Variants in CDH1 observed in about 807,000 individuals in gnomAD.
CDH1 encodes cadherin-1.
Under a neutral mutation model 84.5 loss-of-function variants are expected in CDH1, and 35 were observed. The observed-to-expected ratio is 0.41, with a 90% confidence interval of 0.32 to 0.55. The LOEUF (loss-of-function observed/expected upper bound fraction) is 0.55, where lower values mean the gene tolerates loss of function less well. Ranked by LOEUF, CDH1 falls within the 20% of genes least tolerant of loss-of-function variation. The probability of loss-of-function intolerance (pLI) is 0.19; values close to 1 mark genes in which losing one functional copy is unlikely to be tolerated. For missense variants in CDH1, 994 were observed against 1,126.6 expected, an observed-to-expected ratio of 0.88 and a Z score of 1.68; for synonymous variants, 417 against 439.0, an observed-to-expected ratio of 0.95 and a Z score of 0.63.
rs180733763 is a variant in CDH1, at chr16:68,823,695, G to A, written c.2164+69G>A. On this transcript the variant is annotated intron_variant, in intron 13 of 15. Transcript: ENST00000261769. ...TGGAGGAGGTTTATTTCCTGGAAAT[G>A]ATTTTTGTTCTTATATTAATAAGGA... 25 of 1,066,954 alleles carry A rather than the reference G, an allele frequency of 2.3e-5. No individual in the cohort carries two copies. The African/African-American group carries it at 3.8e-4, about 16-fold the overall frequency. The allele number at this position is 1,066,954 out of a possible 1,614,324, so 66.1% of individuals were successfully genotyped here. A position where few individuals can be genotyped will look rare whatever the true frequency, so the allele number is the denominator to read the frequency against.
intron 2 of CDH1, among the ~76,000 whole-genome samples, chr16:68,763,748 T>C (rs1597858662): frequency 1.3e-5 from 2 of 152,364 alleles, no homozygotes; most frequent in East Asian, 3.9e-4. Context: ...ATTTTAACCC[T>C]GTGAAGTCCA....
At chr16:68,740,619 T>C (rs1962539833) in intron 2 of CDH1, among the ~76,000 whole-genome samples, 1 of 152,150 alleles carries the variant, frequency 6.6e-6, no homozygotes, top group Non-Finnish European at 1.5e-5. Context: ...CACCAAGATA[T>C]TTGGTAGCAC....
chr16:68,831,652 G>A lies in CDH1; in HGVS notation c.2440-1638G>A, dbSNP rs572519757. Among the ~76,000 whole-genome samples the A allele has an allele frequency of 6.6e-5, 10 of 151,942 alleles. No homozygotes were observed. In the South Asian group the frequency reaches 2.1e-3, roughly 32 times the overall value. ...CCTCCTAGATTCAAGCGATTCTCCTGCCTCAGCCTCCCAAGTAGCTGGGAT... is the reference window on the plus strand; with the variant it reads ...CCTCCTAGATTCAAGCGATTCTCCTACCTCAGCCTCCCAAGTAGCTGGGAT... On this transcript the variant is annotated intron_variant, in intron 15 of 15. Transcript: ENST00000261769.
chr16:68,801,848 C>T lies in CDH1; in HGVS notation c.342C>T (p.Val114=), dbSNP rs1555514470. Residue 114 remains valine (V), a synonymous_variant, in exon 3 of 16, where the codon GTC becomes GTT. Coordinates refer to ENST00000261769, the MANE Select transcript of CDH1 (RefSeq NM_004360.5). ...DSTYRKFSTK[V]TLNTVGHHHR... ...CCTACAGAAAGTTTTCCACCAAAGT[C>T]ACGCTGAATACAGTGGGGCACCACC... 3 of 1,614,236 alleles carry T rather than the reference C, an allele frequency of 1.9e-6. 1 individual carries two copies. The South Asian group carries it at 3.3e-5, about 18-fold the overall frequency.
At chr16:68,778,765 A>T (rs1959798733) in intron 2 of CDH1, among the ~76,000 whole-genome samples, 3 of 152,224 alleles carry the variant, frequency 2.0e-5, no homozygotes, top group African/African-American at 7.2e-5. Flanking sequence ...CTGTCAGCAG[A>T]AACGGTGCAG....
chr16:68,742,076 C>T (rs889381655), intron 2 of CDH1, among the ~76,000 whole-genome samples: 3 of 152,180 alleles, frequency 2.0e-5, no homozygotes, highest in Non-Finnish European at 4.4e-5. Context: ...AAGTATTAGC[C>T]TAGTAACCAC....
intron 10 of CDH1, among the ~76,000 whole-genome samples, chr16:68,818,054 C>T (rs1464527237): frequency 2.0e-5 from 3 of 151,708 alleles, no homozygotes; most frequent in African/African-American, 7.3e-5. Flanking sequence ...TCCTGGCTAA[C>T]ATGGTGAAAC....
At chr16:68,773,253 T>A (rs1165496065) in intron 2 of CDH1, among the ~76,000 whole-genome samples, 1 of 152,004 alleles carries the variant, frequency 6.6e-6, no homozygotes, top group Non-Finnish European at 1.5e-5. Flanking sequence ...AAATTGCACA[T>A]GTGAGCAACC....
intron 3 of CDH1, among the ~76,000 whole-genome samples, chr16:68,806,697 G>A (rs1960671438): frequency 6.6e-6 from 1 of 152,220 alleles, no homozygotes; most frequent in Non-Finnish European, 1.5e-5. Flanking sequence ...ACATTAGGAA[G>A]CTGTAATACA....
intron 2 of CDH1, among the ~76,000 whole-genome samples, chr16:68,758,207 CTTTTTTTTTTT>C (rs57413297): frequency 1.7e-4 from 7 of 40,044 alleles, no homozygotes; most frequent in Admixed American, 9.6e-4. Context: ...CTTTTTATTT[CTTTTTTTTTTT>C]TTTTTTTTTT....
chr16:68,813,909 G>C (rs973703367), intron 9 of CDH1, among the ~76,000 whole-genome samples: 1 of 144,146 alleles, frequency 6.9e-6, no homozygotes. Flanking sequence ...TCCAGCTCTG[G>C]GTGACAGAGC....
chr16:68,747,327 G>T (rs1171969483), intron 2 of CDH1, among the ~76,000 whole-genome samples: 1 of 152,156 alleles, frequency 6.6e-6, no homozygotes, highest in Non-Finnish European at 1.5e-5. Flanking sequence ...AGGGAGGAGA[G>T]GGTCCCAGGA....
intron 2 of CDH1, among the ~76,000 whole-genome samples, chr16:68,766,516 A>T (rs1161422799): frequency 1.3e-5 from 2 of 152,088 alleles, no homozygotes; most frequent in Non-Finnish European, 2.9e-5. Flanking sequence ...AGTAGAACCT[A>T]CTTCATAAGG....
intron 2 of CDH1, among the ~76,000 whole-genome samples, chr16:68,759,109 T>A (rs1371777273): frequency 1.3e-5 from 2 of 152,080 alleles, no homozygotes; most frequent in African/African-American, 4.8e-5. Context: ...TACATTTAAT[T>A]AATTTATTTT....
At chr16:68,747,109 G>A (rs1001820050) in intron 2 of CDH1, among the ~76,000 whole-genome samples, 1 of 152,162 alleles carries the variant, frequency 6.6e-6, no homozygotes, top group African/African-American at 2.4e-5. Flanking sequence ...ATTCCAGTAG[G>A]CTCCAAGAAT....
At chr16:68,743,669 T>C (rs923695619) in intron 2 of CDH1, among the ~76,000 whole-genome samples, 2 of 151,952 alleles carry the variant, frequency 1.3e-5, no homozygotes, top group African/African-American at 4.8e-5. Flanking sequence ...CCGGGCCCCT[T>C]CCTGGGTTTC....
chr16:68,752,236 G>C (rs1250959165), intron 2 of CDH1, among the ~76,000 whole-genome samples: 1 of 152,174 alleles, frequency 6.6e-6, no homozygotes, highest in African/African-American at 2.4e-5. Context: ...ACAGGCGTGA[G>C]CCACCACACC....
chr16:68,832,292 T>G (rs1426510020), intron 15 of CDH1, among the ~76,000 whole-genome samples: 20 of 152,040 alleles, frequency 1.3e-4, no homozygotes, highest in Non-Finnish European at 1.8e-4. Flanking sequence ...TAAAAGTTTT[T>G]TTTTTTTTAA....
chr16:68,792,161 T>G (rs935286869), intron 2 of CDH1, among the ~76,000 whole-genome samples: 8 of 151,530 alleles, frequency 5.3e-5, no homozygotes, highest in African/African-American at 2.4e-5. Context: ...CCTCAGGTGA[T>G]CCATCTGCCT....
Sources: gnomAD v4.1 joint callset for allele counts (sites outside exome capture counted in the v4.1 genomes callset) on GRCh38, gnomAD v4.1.1 for gene constraint, MANE v1.5 for transcripts, NCBI Gene and HGNC (gene_info 2026-07-23, HGNC 2026-07-21) for gene names.